The following IDE variants were observed in gnomAD, a reference collection of about 807,000 sequenced individuals.
IDE encodes the protein insulin-degrading enzyme.
A neutral mutation model predicts 133.2 loss-of-function variants in IDE; 58 were observed. The observed-to-expected ratio is 0.44, with a 90% CI of 0.35 to 0.54. The LOEUF (loss-of-function observed/expected upper bound fraction) is 0.54, where lower values mean the gene tolerates loss of function less well. Among genes scored for constraint, IDE ranks in the 20% least tolerant of loss-of-function variants. The pLI, the probability that IDE is intolerant of heterozygous loss-of-function variation, is 0.00. For missense variants in IDE, 981 were observed against 1,234.0 expected (o/e 0.79, Z 3.07); for synonymous variants, 396 against 421.3 (o/e 0.94, Z 0.73).
intron 1 of IDE, among the ~76,000 whole-genome samples, chr10:92,541,896 G>C (rs976343980): frequency 6.6e-6 from 1 of 152,114 alleles, no homozygotes; most frequent in Non-Finnish European, 1.5e-5. Flanking sequence ...AGGTGGGCTA[G>C]ATCCCCTCAT....
intron 1 of IDE, among the ~76,000 whole-genome samples, chr10:92,547,208 G>A (rs527958536): frequency 4.0e-5 from 6 of 151,832 alleles, no homozygotes; most frequent in Non-Finnish European, 8.8e-5. Context: ...TGCGCAGCTG[G>A]GACTACAGGC....
intron 1 of IDE, chr10:92,559,322 A>G (rs1843167415): frequency 6.6e-6 from 1 of 152,258 alleles, no homozygotes; most frequent in Non-Finnish European, 1.5e-5. Flanking sequence ...TTGTACACGA[A>G]TGCCCAAAGC....
At chr10:92,540,168 G>A (rs563976338) in intron 1 of IDE, among the ~76,000 whole-genome samples, 5 of 152,090 alleles carry the variant, frequency 3.3e-5, no homozygotes, top group East Asian at 1.9e-4. Flanking sequence ...GCTTGAACCC[G>A]GGAGGCAGAG....
chr10:92,529,724 T>A (rs928141304), intron 4 of IDE, among the ~76,000 whole-genome samples: 1 of 151,592 alleles, frequency 6.6e-6, no homozygotes, highest in Non-Finnish European at 1.5e-5. Context: ...GAAAAAAAAA[T>A]GTTCCTTGTT....
chr10:92,515,074 A>T (rs1248068927), intron 4 of IDE, 32 bp from the exon 5 acceptor site: 1 of 1,555,688 alleles, frequency 6.4e-7, no homozygotes, highest in Non-Finnish European at 8.7e-7. Flanking sequence ...TTCTTAGAAA[A>T]AGCAAAATAT....
intron 11 of IDE, among the ~76,000 whole-genome samples, chr10:92,494,234 T>C (rs1302581678): frequency 6.6e-6 from 1 of 151,236 alleles, no homozygotes; most frequent in Non-Finnish European, 1.5e-5. Context: ...GCCAATTTTT[T>C]TTTTTTTTTT....
Position 92,463,203 on chromosome 10 carries a change from G to A in IDE, c.2761+528C>T, listed in dbSNP as rs143407559. Among the ~76,000 whole-genome samples the A allele has an allele frequency of 4.6e-5, 7 of 152,302 alleles. No individual in the cohort carries two copies. In the South Asian group the frequency reaches 6.2e-4, roughly 14 times the overall value. On this transcript the variant is annotated intron_variant, in intron 21 of 24. Coordinates refer to ENST00000265986, the MANE Select transcript of IDE (RefSeq NM_004969.4). The stretch of plus-strand genomic sequence containing the variant: ...CTTCTAGTACAGCTTAGCACAATCC[G>A]TTGTTAATCTATGCTCTAGAAGCAA...
rs955639324 is a variant in IDE, at chr10:92,478,841, G to A, written c.1884+436C>T. 7 of 1,018,938 alleles carry A rather than the reference G, an allele frequency of 6.9e-6. No individual in the cohort carries two copies. In the African/African-American group the frequency reaches 1.2e-4, roughly 17 times the overall value. The allele number at this position is 1,018,938 out of a possible 1,614,324, so 63.1% of individuals were successfully genotyped here. ...GCTTTGATACCTCAAGCAGTGGCAT[G>A]GTAATGAAGAAACATGACCGAAGAG... On this transcript the variant is annotated intron_variant, in intron 15 of 24. Transcript: ENST00000265986.
intron 1 of IDE, among the ~76,000 whole-genome samples, chr10:92,548,714 G>A (rs1227822715): frequency 6.6e-6 from 1 of 152,110 alleles, no homozygotes; most frequent in Admixed American, 6.5e-5. Flanking sequence ...CATTAGGTAG[G>A]CTGATAATAG....
intron 1 of IDE, among the ~76,000 whole-genome samples, chr10:92,553,207 T>C (rs528889928): frequency 1.3e-5 from 2 of 152,276 alleles, no homozygotes; most frequent in East Asian, 3.9e-4. Context: ...GCGGATCACC[T>C]GAAGTCAGGA....
chr10:92,492,421 G>C (rs990464563), intron 11 of IDE, among the ~76,000 whole-genome samples: 1 of 152,104 alleles, frequency 6.6e-6, no homozygotes, highest in South Asian at 2.1e-4. Flanking sequence ...GGGACACTCC[G>C]CCTCTACTGC....
chr10:92,530,781 T>C (rs1170119011), intron 4 of IDE, among the ~76,000 whole-genome samples: 1 of 152,208 alleles, frequency 6.6e-6, no homozygotes, highest in African/African-American at 2.4e-5. Context: ...TGCTTCAAAG[T>C]ATAATTTTTG....
chr10:92,508,071 G>T, intron 8 of IDE, 42 bp downstream of exon 8: 1 of 1,406,950 alleles, frequency 7.1e-7, no homozygotes, highest in Non-Finnish European at 1.0e-6. Flanking sequence ...ATCATAGAAA[G>T]TAAATTTTCA....
intron 12 of IDE, among the ~76,000 whole-genome samples, chr10:92,490,038 T>C (rs1195205199): frequency 3.3e-5 from 5 of 152,328 alleles, no homozygotes; most frequent in East Asian, 1.9e-4. Flanking sequence ...TTCTCCTATG[T>C]TGACAAAAAG....
intron 19 of IDE, among the ~76,000 whole-genome samples, chr10:92,466,755 T>C (rs1845713015): frequency 6.6e-6 from 1 of 151,512 alleles, no homozygotes; most frequent in Non-Finnish European, 1.5e-5. Context: ...GTAGCCGGGA[T>C]TACAGGTGCC....
chr10:92,510,542 C>A (rs993119578), intron 5 of IDE, among the ~76,000 whole-genome samples: 4 of 151,832 alleles, frequency 2.6e-5, no homozygotes, highest in African/African-American at 9.7e-5. Flanking sequence ...AATGTATTTG[C>A]ATTTTATTTA....
chr10:92,477,133 A>G (rs1473062863), intron 15 of IDE, among the ~76,000 whole-genome samples: 1 of 151,528 alleles, frequency 6.6e-6, no homozygotes, highest in Non-Finnish European at 1.5e-5. Context: ...CACTGTATGT[A>G]TCATCAGGAC....
At chr10:92,551,435 G>C (rs1433314951) in intron 1 of IDE, among the ~76,000 whole-genome samples, 1 of 151,510 alleles carries the variant, frequency 6.6e-6, no homozygotes, top group Non-Finnish European at 1.5e-5. Flanking sequence ...GGGAGTGGTG[G>C]TGCACACCTA....
At position 92,534,622 on chromosome 10, in the gene IDE, G is replaced by A; in HGVS notation, c.447C>T (p.Tyr149=). The A allele has an allele frequency of 1.2e-6, 2 of 1,613,816 alleles. No homozygotes were observed. Among genetic ancestry groups the A allele is most frequent in the Non-Finnish European group, 1.7e-6 (2 of 1,179,864 alleles). The change falls in exon 3 of 25, where the codon TAC becomes TAT. Residue 149 remains tyrosine (Y), a synonymous_variant. Coordinates refer to ENST00000265986, the MANE Select transcript of IDE (RefSeq NM_004969.4). ...NAFTSGEHTN[Y]YFDVSHEHLE... is the part of the protein sequence containing the mutation. Reference sequence around the variant, plus strand: ...GGTGTTCATGAGAAACATCAAAATAGTAATTGGTATGCTCTCCACTAGTAA... The same window carrying A: ...GGTGTTCATGAGAAACATCAAAATAATAATTGGTATGCTCTCCACTAGTAA...
Sources: gnomAD v4.1 joint callset for allele counts (sites outside exome capture counted in the v4.1 genomes callset) on GRCh38, gnomAD v4.1.1 for gene constraint, MANE v1.5 for transcripts, NCBI Gene and HGNC (gene_info 2026-07-23, HGNC 2026-07-21) for gene names.